Variants in COX15 observed in about 807,000 individuals in gnomAD.
COX15 encodes heme A synthase COX15.
Under a neutral mutation model 51.9 loss-of-function variants are expected in COX15, and 51 were observed. The observed-to-expected ratio is 0.98, with a 90% CI of 0.78 to 1.24. The LOEUF (loss-of-function observed/expected upper bound fraction) is 1.24. COX15 is among the 50% of genes most tolerant of loss of function. The probability of loss-of-function intolerance (pLI) is 0.00; values close to 1 mark genes in which losing one functional copy is unlikely to be tolerated. For missense variants in COX15, 420 were observed against 501.1 expected, an observed-to-expected ratio of 0.84 and a Z score of 1.55; for synonymous variants, 188 against 190.5, an observed-to-expected ratio of 0.99 and a Z score of 0.11.
In COX15 at chr10:99,732,054, A is replaced by C; in HGVS notation, c.-5T>G. On this transcript the variant is annotated 5_prime_UTR_variant, in exon 1 of 9. Transcript: ENST00000016171. ...CGGAAAGAGCAATCGCTGCATACTG[A>C]TGACAGGGAACAGCCACCTCTTCCA... 6.2e-7 allele frequency: 1 copy of C among 1,611,868 alleles called. No homozygotes were observed. The highest frequency in any genetic ancestry group is 8.5e-7 in the Non-Finnish European group (1 of 1,179,166).
At chr10:99,705,122 G>A in the COX15 span, 2 of 177,228 alleles carry the variant, frequency 1.1e-5, no homozygotes, top group African/African-American at 4.7e-5. Context: ...CTCTGTAACA[G>A]AGATATCATT....
intron 1 of COX15, 36 bp downstream of exon 1, chr10:99,731,924 C>A (rs1221216144): frequency 6.3e-7 from 1 of 1,582,844 alleles, no homozygotes; most frequent in Non-Finnish European, 8.6e-7. Context: ...ACTCCATCCC[C>A]GCTCCCGCGA....
chr10:99,702,550 T>C, the COX15 span: 3 of 1,608,774 alleles, frequency 1.9e-6, no homozygotes, highest in Non-Finnish European at 2.5e-6. Context: ...TACCAAGTCT[T>C]ACATGAAGGA....
rs1297595563 is a variant in COX15 at position 99,718,464 on chromosome 10, T to C, written c.869A>G (p.Tyr290Cys). Residue 290 changes from tyrosine to cysteine, a missense_variant, in exon 7 of 9, where the codon TAT (tyrosine) becomes TGT (cysteine). Physicochemically the swap from Tyr to Cys is radical, Grantham distance 194 (BLOSUM62 -2). Coordinates refer to ENST00000016171, the MANE Select transcript of COX15 (RefSeq NM_078470.6). ...FVAGLDAGLV[Y>C]NSFPKMGESW... ...TTCTCCCATTTTGGGAAAGGAGTTA[T>C]AAACAAGCCCAGCATCTAGCCCTGC... is the stretch of plus-strand genomic sequence containing the variant. 6.2e-7 allele frequency: 1 copy of C among 1,614,144 alleles called. No individual in the cohort carries two copies. The highest frequency in any genetic ancestry group is 8.5e-7 in the Non-Finnish European group (1 of 1,180,008).
At chr10:99,709,865 C>A, downstream of COX15, 4 of 985,386 alleles carry the variant, frequency 4.1e-6, no homozygotes, top group Non-Finnish European at 4.8e-6. Context: ...GAATAACACA[C>A]CAGTTGACCA....
chr10:99,709,599 T>C, downstream of COX15: 1 of 985,394 alleles, frequency 1.0e-6, no homozygotes, highest in Non-Finnish European at 1.2e-6. Flanking sequence ...TTGAAAACTT[T>C]TAGGTTGTGT....
At chr10:99,729,853 G>T in intron 1 of COX15, 119 bp from the exon 2 acceptor site, 1 of 991,116 alleles carries the variant, frequency 1.0e-6, no homozygotes, top group Non-Finnish European at 1.5e-6. Flanking sequence ...GTCTTGTTAA[G>T]TCATCATCTC....
rs767022607 is a variant in COX15 at position 99,729,708 on chromosome 10, C to T, written c.117G>A (p.Arg39=). 9 of 1,614,028 alleles carry T rather than the reference C, an allele frequency of 5.6e-6. No individual in the cohort carries two copies. The highest frequency in any genetic ancestry group is 3.3e-5 in the Admixed American group (2 of 60,008). Residue 39 remains arginine, a synonymous_variant, in exon 2 of 9, where the codon AGG becomes AGA. Transcript: ENST00000016171. Reference sequence around the variant, plus strand: ...CAGAGATGGTGCTGTATTGCCCTGGCCTCAAAGGGCGCCTGATGCAATCAC... The same window carrying T: ...CAGAGATGGTGCTGTATTGCCCTGGTCTCAAAGGGCGCCTGATGCAATCAC... The part of the protein sequence containing the change: ...AQCDCIRRPL[R]PGQYSTISEV...
Position 99,718,843 on chromosome 10 carries a change from GATTT to G in COX15, c.833-347_833-344del, listed in dbSNP as rs1183612607. ...CCTCACCCCGCCACTGAGTGCTACT[GATTT>G]ATTTTAGAAATGCTCTCCCACAGAT... On this transcript the variant is annotated intron_variant, in intron 6 of 8. Coordinates refer to ENST00000016171, the MANE Select transcript of COX15 (RefSeq NM_078470.6). Among the ~76,000 whole-genome samples the G allele has an allele frequency of 2.0e-5, 3 of 152,094 alleles. 1 individual carries two copies. Among genetic ancestry groups the G allele is most frequent in the Admixed American group, 1.3e-4 (2 of 15,282 alleles).
At chr10:99,707,618 CAG>C (rs1476119955), downstream of COX15, among the ~76,000 whole-genome samples, 1 of 152,158 alleles carries the variant, frequency 6.6e-6, no homozygotes, top group Non-Finnish European at 1.5e-5. Flanking sequence ...CTCTTGTTAA[CAG>C]AGACAATGAA....
the COX15 span, chr10:99,698,816 T>C: frequency 6.2e-7 from 1 of 1,611,352 alleles, no homozygotes; most frequent in South Asian, 1.1e-5. Flanking sequence ...TGTTGCGCAT[T>C]GGTGGCCGCT....
At chr10:99,701,354 C>G in the COX15 span, among the ~76,000 whole-genome samples, 3 of 150,770 alleles carry the variant, frequency 2.0e-5, no homozygotes, top group African/African-American at 7.3e-5. Flanking sequence ...GTGGCATGAT[C>G]TTAGCTCACT....
chr10:99,704,772 A>G, the COX15 span: 1 of 1,189,362 alleles, frequency 8.4e-7, no homozygotes, highest in African/African-American at 1.5e-5. Flanking sequence ...AGATGCTGTG[A>G]TGTCTGACCT....
rs866847158 is a variant in COX15 at position 99,729,623 on chromosome 10, C to T, written c.202G>A (p.Val68Met). The change falls in exon 2 of 9, where the codon GTG becomes ATG. Residue 68 changes from valine to methionine, a missense_variant. Physicochemically the swap from Val to Met is conservative, Grantham distance 21 (BLOSUM62 1). Transcript: ENST00000016171. Reference sequence around the variant, plus strand: ...CAGACCAGGAGCCATCGGCCCACCACCCGCTCAGCAGCCTTTGAGGGAAGG... The same window carrying T: ...CAGACCAGGAGCCATCGGCCCACCATCCGCTCAGCAGCCTTTGAGGGAAGG... ...VSLPSKAAER[V>M]VGRWLLVCSG... 10 of 1,614,100 alleles carry T rather than the reference C, an allele frequency of 6.2e-6. No individual in the cohort carries two copies. The highest frequency in any genetic ancestry group is 8.5e-6 in the Non-Finnish European group (10 of 1,180,030).
chr10:99,724,807 TAAA>T lies in COX15; in HGVS notation c.583-687_583-685del, dbSNP rs1296310045. Reference sequence around the variant, plus strand: ...ATGTTTTGGAGAAACTTAATAAAGGTAAATGCTTAAAAACATCTACTGTCAAGT... The same window carrying T: ...ATGTTTTGGAGAAACTTAATAAAGGTTGCTTAAAAACATCTACTGTCAAGT... On this transcript the variant is annotated intron_variant, in intron 4 of 8. Transcript: ENST00000016171. 2.6e-5 allele frequency among the ~76,000 whole-genome samples: 4 copies of T among 151,480 alleles called. No individual in the cohort carries two copies. The East Asian group carries it at 7.7e-4, about 29-fold the overall frequency.
intron 3 of COX15, 102 bp from the exon 4 acceptor site, chr10:99,727,256 G>C: frequency 6.9e-7 from 1 of 1,451,138 alleles, no homozygotes; most frequent in Non-Finnish European, 9.5e-7. Flanking sequence ...CCTGCAACTT[G>C]GTAGGTCTGC....
intron 1 of COX15, among the ~76,000 whole-genome samples, chr10:99,731,398 C>CT (rs1476651821): frequency 6.6e-6 from 1 of 152,168 alleles, no homozygotes; most frequent in Non-Finnish European, 1.5e-5. Context: ...ATTTATCTTT[C>CT]TTTTTCCAGT....
chr10:99,718,376 G>T lies in COX15; in HGVS notation c.957C>A (p.Pro319=). The change falls in exon 7 of 9, where the codon CCC becomes CCA. Residue 319 remains proline, a synonymous_variant. Coordinates refer to ENST00000016171, the MANE Select transcript of COX15 (RefSeq NM_078470.6). ...TCCGGTGATCAAACTGCACCATGGT[G>T]GGATTCTCAAAAACATTCCTCAGGA... The part of the protein sequence containing the change: ...SPILRNVFEN[P]TMVQFDHRIL... The T allele has an allele frequency of 6.2e-7, 1 of 1,614,088 alleles. No homozygotes were observed. Among genetic ancestry groups the T allele is most frequent in the Non-Finnish European group, 8.5e-7 (1 of 1,180,010 alleles).
chr10:99,712,400 C>T lies in COX15; in HGVS notation c.*2187G>A, dbSNP rs547424727. 1 of 985,386 alleles carries T rather than the reference C, an allele frequency of 1.0e-6. No homozygotes were observed. Among genetic ancestry groups the T allele is most frequent in the South Asian group, 4.7e-5 (1 of 21,276 alleles). The allele number at this position is 985,386 out of a possible 1,614,324, so 61.0% of individuals were successfully genotyped here. ...TTAGTTCCCAACACTTAATTGAGAG[C>T]TTTCACAGAAAAATCTAGATATGTG... On this transcript the variant is annotated 3_prime_UTR_variant, in exon 9 of 9. Coordinates refer to ENST00000016171, the MANE Select transcript of COX15 (RefSeq NM_078470.6).
Sources: allele counts gnomAD v4.1 joint callset (sites outside exome capture counted in the v4.1 genomes callset), GRCh38; gene constraint gnomAD v4.1.1; transcripts MANE v1.5; gene names NCBI Gene and HGNC (gene_info 2026-07-23, HGNC 2026-07-21).